HRH2: variants seen among roughly 807,000 people sequenced by gnomAD.
HRH2 encodes histamine H2 receptor.
HRH2 carries 4 observed loss-of-function variants against 20.1 expected under a neutral mutation model. The observed-to-expected ratio is 0.20, with a 90% CI of 0.10 to 0.45. The LOEUF (loss-of-function observed/expected upper bound fraction) is 0.45, where lower values mean the gene tolerates loss of function less well. HRH2 is among the 20% of genes least tolerant of loss of function. The pLI is 0.99. For missense variants in HRH2, 250 were observed against 461.6 expected, an observed-to-expected ratio of 0.54 and a Z score of 4.20; for synonymous variants, 197 against 200.7, an observed-to-expected ratio of 0.98 and a Z score of 0.16.
intron 2 of HRH2, among the ~76,000 whole-genome samples, chr5:175,696,818 T>C (rs1196380802): frequency 6.7e-6 from 1 of 150,060 alleles, no homozygotes; most frequent in Admixed American, 6.6e-5. Context: ...ACGGGGAGAA[T>C]CTCAGCACCG....
At position 175,699,562 on chromosome 5, in the gene HRH2, G is replaced by GTTTTTT. The variant is rs147937231; in HGVS notation, c.1077-8215_1077-8214insTTTTTT. Among the ~76,000 whole-genome samples the GTTTTTT allele has an allele frequency of 7.3e-3, 1,107 of 151,954 alleles. 9 individuals carry two copies. Among genetic ancestry groups the GTTTTTT allele is most frequent in the African/African-American group, 0.025 (1,044 of 41,316 alleles). The stretch of plus-strand genomic sequence containing the variant: ...TCAGCACCCAGTCCCTCTGCTGTCG[G>GTTTTTT]TTGTTTTTGTTTTGTTTGTTTGTTT... On this transcript the variant is annotated intron_variant, in intron 2 of 2. Coordinates refer to ENST00000636584, the MANE Select transcript of HRH2 (RefSeq NM_001367711.1).
chr5:175,688,237 G>A (rs1756240731), intron 2 of HRH2, among the ~76,000 whole-genome samples: 1 of 152,206 alleles, frequency 6.6e-6, no homozygotes, highest in Non-Finnish European at 1.5e-5. Context: ...AAACTGCAAA[G>A]TCCCTTTTGC....
intron 2 of HRH2, among the ~76,000 whole-genome samples, chr5:175,702,999 C>T (rs10038191): frequency 0.2 from 31,158 of 152,024 alleles, 5,768 homozygotes; most frequent in African/African-American, 0.5. Context: ...GACAGAACTA[C>T]AAAGAGAAAT....
intron 1 of HRH2, among the ~76,000 whole-genome samples, chr5:175,672,385 C>T (rs1755575115): frequency 6.6e-6 from 1 of 152,190 alleles, no homozygotes; most frequent in Non-Finnish European, 1.5e-5. Flanking sequence ...AAAACTCCCT[C>T]CCCAGGCCTC....
chr5:175,674,480 C>T (rs930920610), intron 1 of HRH2, among the ~76,000 whole-genome samples: 2 of 151,914 alleles, frequency 1.3e-5, no homozygotes, highest in Admixed American at 1.3e-4. Flanking sequence ...GGATGACACT[C>T]ATCATCATAA....
intron 1 of HRH2, among the ~76,000 whole-genome samples, chr5:175,659,601 T>C (rs1762674001): frequency 6.6e-6 from 1 of 152,162 alleles, no homozygotes; most frequent in Admixed American, 6.5e-5. Context: ...AGGTAAATGA[T>C]TGCCATGTGG....
intron 1 of HRH2, among the ~76,000 whole-genome samples, chr5:175,667,204 G>A (rs1762924570): frequency 6.6e-6 from 1 of 152,114 alleles, no homozygotes; most frequent in Non-Finnish European, 1.5e-5. Context: ...AGCATTTTGG[G>A]AGGCTGAGGC....
intron 1 of HRH2, among the ~76,000 whole-genome samples, chr5:175,673,794 C>G (rs1461089590): frequency 1.3e-5 from 2 of 151,846 alleles, no homozygotes; most frequent in African/African-American, 4.8e-5. Flanking sequence ...ACCTCCGCCC[C>G]CCTGGGTTTA....
At chr5:175,684,344 G>A in intron 2 of HRH2, 35 bp downstream of exon 2, 2 of 1,597,894 alleles carry the variant, frequency 1.3e-6, no homozygotes, top group Non-Finnish European at 1.7e-6. Flanking sequence ...CAGGATGGGG[G>A]CAATGGGAGG....
chr5:175,669,364 C>CTT (rs33964139), intron 1 of HRH2, among the ~76,000 whole-genome samples: 12 of 133,112 alleles, frequency 9.0e-5, no homozygotes, highest in South Asian at 4.6e-4. Flanking sequence ...TTCTTTCTTT[C>CTT]TTTTTTTTTT....
intron 2 of HRH2, among the ~76,000 whole-genome samples, chr5:175,694,960 C>T (rs1756522032): frequency 6.6e-6 from 1 of 152,062 alleles, no homozygotes; most frequent in Non-Finnish European, 1.5e-5. Flanking sequence ...AAACCTAATG[C>T]ACATTGACAC....
chr5:175,699,669 G>A (rs1756730876), intron 2 of HRH2, among the ~76,000 whole-genome samples: 1 of 152,198 alleles, frequency 6.6e-6, no homozygotes, highest in Non-Finnish European at 1.5e-5. Context: ...CGCCTCCTGG[G>A]TTCACGCCAT....
At chr5:175,701,779 G>A (rs545957738) in intron 2 of HRH2, among the ~76,000 whole-genome samples, 6 of 152,316 alleles carry the variant, frequency 3.9e-5, no homozygotes, top group Admixed American at 1.3e-4. Context: ...GTTAGCATGA[G>A]AAGGGGAACT....
chr5:175,705,574 G>A lies in HRH2; in HGVS notation c.1077-2205G>A, dbSNP rs143701487. On this transcript the variant is annotated intron_variant, in intron 2 of 2. Coordinates refer to ENST00000636584, the MANE Select transcript of HRH2 (RefSeq NM_001367711.1). ...CAGATGTAAATAGTTATCAACTTAT[G>A]CCCAATCTTTTGTTTGTTTGTGTGT... 4.7e-3 allele frequency among the ~76,000 whole-genome samples: 717 copies of A among 152,058 alleles called. 5 individuals carry two copies. The highest frequency in any genetic ancestry group is 0.016 in the African/African-American group (682 of 41,436).
intron 2 of HRH2, chr5:175,685,590 ATGGCACAGC>A (rs1756143919): frequency 1.1e-6 from 1 of 924,682 alleles, no homozygotes. Context: ...CAGAAAATCA[ATGGCACAGC>A]CCTGGTCTCA....
In HRH2 at chr5:175,683,121, A is replaced by C; in HGVS notation, c.-113A>C. 9.4e-6 allele frequency: 11 copies of C among 1,167,494 alleles called. No homozygotes were observed. Among genetic ancestry groups the C allele is most frequent in the African/African-American group, 3.4e-5 (2 of 58,136 alleles). The allele number at this position is 1,167,494 out of a possible 1,614,324, so 72.3% of individuals were successfully genotyped here. The stretch of plus-strand genomic sequence containing the variant: ...AAAAAAAAAAAAAAAAACTGGACAC[A>C]TTTTGGATCTGTTGGGAGCTTGGAG... On this transcript the variant is annotated 5_prime_UTR_variant, in exon 2 of 3. Coordinates refer to ENST00000636584, the MANE Select transcript of HRH2 (RefSeq NM_001367711.1).
At chr5:175,688,852 A>T (rs1756267071) in intron 2 of HRH2, among the ~76,000 whole-genome samples, 1 of 152,180 alleles carries the variant, frequency 6.6e-6, no homozygotes, top group Admixed American at 6.5e-5. Context: ...ACCCCTGCCG[A>T]GGTCTCTTTG....
chr5:175,699,076 T>A (rs1256131277), intron 2 of HRH2, among the ~76,000 whole-genome samples: 2 of 151,888 alleles, frequency 1.3e-5, no homozygotes, highest in African/African-American at 4.8e-5. Flanking sequence ...AGAAAAGAAT[T>A]CCTTTCATGG....
At chr5:175,678,659 G>T (rs1228610356) in intron 1 of HRH2, among the ~76,000 whole-genome samples, 1 of 152,224 alleles carries the variant, frequency 6.6e-6, no homozygotes, top group Admixed American at 6.5e-5. Context: ...AAGGGGCGTC[G>T]GGCACAGCGG....
Sources: allele counts gnomAD v4.1 joint callset (sites outside exome capture counted in the v4.1 genomes callset), GRCh38; gene constraint gnomAD v4.1.1; transcripts MANE v1.5; gene names NCBI Gene and HGNC (gene_info 2026-07-23, HGNC 2026-07-21).